The following TOM1L2 variants were observed in gnomAD, a reference collection of about 807,000 sequenced individuals.
TOM1L2 encodes TOM1-like protein 2.
In TOM1L2, 31 loss-of-function variants were observed where a neutral mutation model predicts 67.9. The observed-to-expected ratio is 0.46, with a 90% CI of 0.34 to 0.62. The LOEUF is 0.62. TOM1L2 is among the 20% of genes least tolerant of loss of function. TOM1L2 has a pLI of 0.01. For missense variants in TOM1L2, 606 were observed against 663.5 expected, an observed-to-expected ratio of 0.91 and a Z score of 0.95; for synonymous variants, 256 against 254.0, an observed-to-expected ratio of 1.01 and a Z score of -0.07.
chr17:17,854,921 G>A (rs1210208839), intron 12 of TOM1L2, among the ~76,000 whole-genome samples: 1 of 152,198 alleles, frequency 6.6e-6, no homozygotes, highest in Non-Finnish European at 1.5e-5. Context: ...TGAGTTGGAA[G>A]AGAGGGACAG....
chr17:17,913,909 C>A (rs1424997194), intron 1 of TOM1L2, among the ~76,000 whole-genome samples: 2 of 152,198 alleles, frequency 1.3e-5, no homozygotes, highest in African/African-American at 2.4e-5. Context: ...AAAGTGCAAT[C>A]TCTGTACTTT....
intron 1 of TOM1L2, among the ~76,000 whole-genome samples, chr17:17,964,541 C>T (rs2041809405): frequency 6.6e-6 from 1 of 152,140 alleles, no homozygotes; most frequent in Non-Finnish European, 1.5e-5. Context: ...TTTTTTTCTC[C>T]TTTGCATTTT....
chr17:17,879,444 A>G (rs960402864), intron 7 of TOM1L2, among the ~76,000 whole-genome samples, 183 bp downstream of exon 7: 1 of 152,214 alleles, frequency 6.6e-6, no homozygotes, highest in African/African-American at 2.4e-5. Context: ...AAAGACAGAC[A>G]GTGGTACTGG....
chr17:17,940,155 T>C (rs1467666968), intron 1 of TOM1L2, among the ~76,000 whole-genome samples: 1 of 135,632 alleles, frequency 7.4e-6, no homozygotes, highest in Non-Finnish European at 1.5e-5. Flanking sequence ...ATCACGCCTC[T>C]GCATTCCAGG....
chr17:17,938,974 T>C (rs1432028325), intron 1 of TOM1L2, among the ~76,000 whole-genome samples: 1 of 152,214 alleles, frequency 6.6e-6, no homozygotes, highest in African/African-American at 2.4e-5. Flanking sequence ...CAGTGGCACC[T>C]GGACTAGAAT....
chr17:17,919,797 C>T (rs2039778201), intron 1 of TOM1L2, among the ~76,000 whole-genome samples: 2 of 152,142 alleles, frequency 1.3e-5, no homozygotes, highest in South Asian at 4.1e-4. Context: ...AGAATGAAAA[C>T]CTGTTTATTT....
At chr17:17,920,773 T>C (rs1438350281) in intron 1 of TOM1L2, among the ~76,000 whole-genome samples, 1 of 151,652 alleles carries the variant, frequency 6.6e-6, no homozygotes, top group East Asian at 1.9e-4. Flanking sequence ...TAGCTGGGAT[T>C]ACAGGCGCCC....
chr17:17,949,175 G>A (rs115756671), intron 1 of TOM1L2, among the ~76,000 whole-genome samples: 3,631 of 152,214 alleles, frequency 0.024, 121 homozygotes, highest in African/African-American at 0.076. Flanking sequence ...ATTTATTCTT[G>A]CCACCTGCCA....
chr17:17,972,178 C>T (rs902603372), intron 1 of TOM1L2, 84 bp downstream of exon 1: 5 of 1,511,602 alleles, frequency 3.3e-6, no homozygotes, highest in Admixed American at 4.0e-5. Flanking sequence ...GAAGTGGCAC[C>T]GGCGCCCGGC....
At chr17:17,879,792 C>T (rs1428392678) in intron 6 of TOM1L2, 49 bp from the exon 7 acceptor site, 3 of 1,437,704 alleles carry the variant, frequency 2.1e-6, no homozygotes, top group East Asian at 4.5e-5. Context: ...GTCAGTCAGC[C>T]TGCACTTGCA....
intron 2 of TOM1L2, among the ~76,000 whole-genome samples, chr17:17,905,136 T>G (rs927192835): frequency 6.6e-6 from 1 of 152,210 alleles, no homozygotes; most frequent in Admixed American, 6.5e-5. Context: ...CTAACAACTA[T>G]TTGTGAGTCA....
At chr17:17,862,915 C>T (rs2036638576) in intron 10 of TOM1L2, 67 bp from the exon 11 acceptor site, 2 of 1,331,870 alleles carry the variant, frequency 1.5e-6, no homozygotes, top group African/African-American at 1.5e-5. Flanking sequence ...GATGAAGGGC[C>T]CCCAAGCTAG....
intron 13 of TOM1L2, among the ~76,000 whole-genome samples, chr17:17,850,605 G>A (rs2143497664): frequency 6.6e-6 from 1 of 152,354 alleles, no homozygotes; most frequent in Non-Finnish European, 1.5e-5. Context: ...GGGAAGGCAA[G>A]TGTGTGTTTT....
chr17:17,959,674 C>CA (rs375630726), intron 1 of TOM1L2, among the ~76,000 whole-genome samples: 5 of 151,768 alleles, frequency 3.3e-5, no homozygotes, highest in East Asian at 1.9e-4. Flanking sequence ...TGAGGAGCAG[C>CA]AAAAAAAACT....
At chr17:17,880,806 A>AG (rs2037683398) in intron 6 of TOM1L2, among the ~76,000 whole-genome samples, 1 of 152,186 alleles carries the variant, frequency 6.6e-6, no homozygotes, top group Non-Finnish European at 1.5e-5. Flanking sequence ...TCTCTACTAC[A>AG]CACATACGGC....
chr17:17,926,362 G>A (rs539724902), intron 1 of TOM1L2, among the ~76,000 whole-genome samples: 12 of 152,144 alleles, frequency 7.9e-5, no homozygotes, highest in African/African-American at 2.7e-4. Flanking sequence ...GGTCACCCAG[G>A]GTACCCAGCT....
In TOM1L2 at chr17:17,869,178, T is replaced by C; in HGVS notation, c.911+162A>G. The C allele has an allele frequency of 3.6e-6, 5 of 1,379,592 alleles. No individual in the cohort carries two copies. In the South Asian group the frequency reaches 6.8e-5, roughly 19 times the overall value. 85.5% of individuals were successfully genotyped at this position (1,379,592 alleles called of 1,614,324 possible). ...TCAGTTCCCAGGAGGACAAGAAGCATTTTTCCTGTCAGCCGGGAACAAATT... is the reference window on the plus strand; with the variant it reads ...TCAGTTCCCAGGAGGACAAGAAGCACTTTTCCTGTCAGCCGGGAACAAATT... On this transcript the variant is annotated intron_variant, in intron 8 of 14. Coordinates refer to ENST00000379504, the MANE Select transcript of TOM1L2 (RefSeq NM_001082968.2).
intron 1 of TOM1L2, among the ~76,000 whole-genome samples, chr17:17,917,450 C>CTTTTT: frequency 2.7e-5 from 1 of 36,364 alleles, no homozygotes; most frequent in Non-Finnish European, 5.0e-5. Context: ...TACCATTGGT[C>CTTTTT]TTTTTTTTTT....
At chr17:17,879,573 T>C in intron 7 of TOM1L2, 54 bp downstream of exon 7, 5 of 1,406,646 alleles carry the variant, frequency 3.6e-6, no homozygotes, top group South Asian at 1.2e-5. Context: ...CCTCCAACAG[T>C]GTACGGTGGA....
Sources: allele counts gnomAD v4.1 joint callset (sites outside exome capture counted in the v4.1 genomes callset), GRCh38; gene constraint gnomAD v4.1.1; transcripts MANE v1.5; gene names NCBI Gene and HGNC (gene_info 2026-07-23, HGNC 2026-07-21).